MACROD2: variants seen among roughly 807,000 people sequenced by gnomAD.
MACROD2 encodes ADP-ribose glycohydrolase MACROD2.
MACROD2 carries 36 observed loss-of-function variants against 70.4 expected under a neutral mutation model. The observed-to-expected ratio is 0.51, with a 90% CI of 0.39 to 0.68. MACROD2 has a LOEUF of 0.68. MACROD2 is among the 30% of genes least tolerant of loss of function. The pLI, the probability that MACROD2 is intolerant of heterozygous loss-of-function variation, is 0.00. For synonymous variants in MACROD2, 172 were observed against 178.8 expected, an observed-to-expected ratio of 0.96 and a Z score of 0.30; for missense variants, 496 against 538.4, an observed-to-expected ratio of 0.92 and a Z score of 0.78.
intron 6 of MACROD2, among the ~76,000 whole-genome samples, chr20:15,234,949 C>T (rs1490992988): frequency 1.3e-5 from 2 of 151,962 alleles, no homozygotes; most frequent in Non-Finnish European, 2.9e-5. Flanking sequence ...TGTGTTTATC[C>T]TGACTTCTGT....
chr20:14,670,363 G>A (rs983314333), intron 4 of MACROD2, among the ~76,000 whole-genome samples: 4 of 152,066 alleles, frequency 2.6e-5, no homozygotes, highest in African/African-American at 7.2e-5. Flanking sequence ...CAGAATCTAA[G>A]CAATCTTAAG....
chr20:15,832,422 G>A (rs1291370329), intron 8 of MACROD2, among the ~76,000 whole-genome samples: 2 of 152,074 alleles, frequency 1.3e-5, no homozygotes, highest in South Asian at 4.1e-4. Flanking sequence ...GCCCTGGAAT[G>A]GAAAAAATAC....
intron 8 of MACROD2, among the ~76,000 whole-genome samples, chr20:15,721,530 A>G (rs1039158802): frequency 6.6e-6 from 1 of 152,198 alleles, no homozygotes; most frequent in South Asian, 2.1e-4. Context: ...ACTAAAAACA[A>G]TACCAACGTG....
Position 15,741,649 on chromosome 20 carries a change from G to A in MACROD2, c.646-121096G>A, listed in dbSNP as rs115271452. 5.8e-3 allele frequency among the ~76,000 whole-genome samples: 888 copies of A among 152,134 alleles called. 6 individuals are homozygous for A. The highest frequency in any genetic ancestry group is 0.021 in the African/African-American group (852 of 41,528). ...TCCCCTGGGCACCATATATAAGAAA[G>A]CAACATCTCCCACTCCAATAGCTCC... On this transcript the variant is annotated intron_variant, in intron 8 of 17. Transcript: ENST00000684519.
chr20:15,009,772 AT>A (rs79069561), intron 5 of MACROD2, among the ~76,000 whole-genome samples: 4,216 of 117,858 alleles, frequency 0.036, 73 homozygotes, highest in Admixed American at 0.064. Context: ...CCACCTCCCT[AT>A]TTTTTTTTTT....
At chr20:14,872,839 C>T (rs1031726609) in intron 5 of MACROD2, among the ~76,000 whole-genome samples, 5 of 151,962 alleles carry the variant, frequency 3.3e-5, no homozygotes. Context: ...GCTGGGGAGG[C>T]CTCAGGGAAC....
At chr20:14,323,707 T>C (rs909306453) in intron 3 of MACROD2, 2 of 152,106 alleles carry the variant, frequency 1.3e-5, no homozygotes, top group African/African-American at 4.8e-5. Flanking sequence ...ACTTTGAAGA[T>C]TGCAAGGATT....
At chr20:15,467,883 T>G (rs559715980) in intron 7 of MACROD2, among the ~76,000 whole-genome samples, 14 of 152,168 alleles carry the variant, frequency 9.2e-5, no homozygotes, top group Non-Finnish European at 1.8e-4. Context: ...TTGTATGAAG[T>G]TCTTACTGAA....
chr20:14,720,214 C>T (rs1383420720), intron 5 of MACROD2, among the ~76,000 whole-genome samples: 1 of 152,126 alleles, frequency 6.6e-6, no homozygotes, highest in Non-Finnish European at 1.5e-5. Context: ...GTCTGTTAAC[C>T]TAAATGATCT....
intron 3 of MACROD2, among the ~76,000 whole-genome samples, chr20:14,432,798 C>G (rs2122933204): frequency 6.6e-6 from 1 of 152,184 alleles, no homozygotes; most frequent in Admixed American, 6.6e-5. Context: ...GACTAGGTGC[C>G]TGGCCACCAT....
intron 7 of MACROD2, among the ~76,000 whole-genome samples, chr20:15,449,820 C>T (rs2423962): frequency 0.062 from 9,489 of 152,050 alleles, 737 homozygotes; most frequent in East Asian, 0.42. Context: ...TAGTGAAAAC[C>T]CGTCTCTACT....
At chr20:14,590,698 T>A (rs569864514) in intron 4 of MACROD2, among the ~76,000 whole-genome samples, 1 of 152,226 alleles carries the variant, frequency 6.6e-6, no homozygotes, top group Non-Finnish European at 1.5e-5. Context: ...TTTTCTCTAC[T>A]GTAAGCAACA....
chr20:15,771,506 G>A (rs894524538), intron 8 of MACROD2, among the ~76,000 whole-genome samples: 72 of 151,622 alleles, frequency 4.7e-4, no homozygotes, highest in Admixed American at 3.6e-3. Flanking sequence ...TTAAAGAGGG[G>A]AGATAGAAAG....
chr20:15,800,402 A>G (rs1354578448), intron 8 of MACROD2, among the ~76,000 whole-genome samples: 6 of 152,120 alleles, frequency 3.9e-5, no homozygotes, highest in African/African-American at 1.4e-4. Context: ...TTCTTCTAGT[A>G]GTTTTTATAG....
chr20:14,085,711 A>G lies in MACROD2; in HGVS notation c.254A>G (p.Asp85Gly). 1 of 1,545,910 alleles carries G rather than the reference A, an allele frequency of 6.5e-7. No individual in the cohort carries two copies. The highest frequency in any genetic ancestry group is 8.7e-7 in the Non-Finnish European group (1 of 1,146,166). ...GGTGACATCACATTGCTAGAGGTAG[A>G]TGCTATAGTCAATGCCGGTGAGTAG... ...YRGDITLLEVDAIVNAANASL... is the reference protein window; with the variant it reads ...YRGDITLLEVGAIVNAANASL... Residue 85 changes from aspartate to glycine, a missense_variant, in exon 3 of 18, where the codon GAT becomes GGT. Physicochemically the swap from Asp to Gly is moderately conservative, Grantham distance 94 (BLOSUM62 -1). Coordinates refer to ENST00000684519, the MANE Select transcript of MACROD2 (RefSeq NM_001351661.2).
chr20:15,671,216 C>CTTA (rs2049975270), intron 8 of MACROD2, among the ~76,000 whole-genome samples: 1 of 152,182 alleles, frequency 6.6e-6, no homozygotes, highest in Non-Finnish European at 1.5e-5. Flanking sequence ...AGTGCTCAGA[C>CTTA]TTATTCATGT....
chr20:14,258,319 G>T (rs572810448), intron 3 of MACROD2, among the ~76,000 whole-genome samples: 1 of 152,150 alleles, frequency 6.6e-6, no homozygotes, highest in East Asian at 1.9e-4. Flanking sequence ...CATACTGGTT[G>T]TACTAGTTTA....
rs544911359 is a variant in MACROD2 at position 15,204,533 on chromosome 20, G to A, written c.419-25407G>A. ...GGTACCTGGCCTATTATAATTTTCA[G>A]CCCTTACCTTGTGCAACTCTTGAAA... On this transcript the variant is annotated intron_variant, in intron 5 of 17. Coordinates refer to ENST00000684519, the MANE Select transcript of MACROD2 (RefSeq NM_001351661.2). Among the ~76,000 whole-genome samples the A allele has an allele frequency of 9.9e-5, 15 of 152,188 alleles. No homozygotes were observed. The East Asian group carries it at 2.7e-3, about 27-fold the overall frequency.
chr20:15,724,009 A>G (rs1037284724), intron 8 of MACROD2, among the ~76,000 whole-genome samples: 3 of 151,976 alleles, frequency 2.0e-5, no homozygotes, highest in East Asian at 1.9e-4. Context: ...TCAGGATTTT[A>G]TTTCATATTT....
Sources: allele counts gnomAD v4.1 joint callset (sites outside exome capture counted in the v4.1 genomes callset), GRCh38; gene constraint gnomAD v4.1.1; transcripts MANE v1.5; gene names NCBI Gene and HGNC (gene_info 2026-07-23, HGNC 2026-07-21).